Variants in CDKAL1 observed in about 807,000 individuals in gnomAD.
The protein encoded by CDKAL1 is CDKAL1 threonylcarbamoyladenosine tRNA methylthiotransferase.
CDKAL1 carries 32 observed loss-of-function variants against 68.2 expected under a neutral mutation model. The observed-to-expected ratio is 0.47, with a 90% CI of 0.35 to 0.63. The LOEUF (loss-of-function observed/expected upper bound fraction) is 0.63. Among genes scored for constraint, CDKAL1 ranks in the 30% least tolerant of loss-of-function variants. The pLI is 0.00. For missense variants in CDKAL1, 606 were observed against 696.7 expected (o/e 0.87, Z 1.47); for synonymous variants, 234 against 244.3 (o/e 0.96, Z 0.39).
chr6:20,702,044 A>G (rs1306533559), intron 5 of CDKAL1, among the ~76,000 whole-genome samples: 1 of 152,164 alleles, frequency 6.6e-6, no homozygotes, highest in African/African-American at 2.4e-5. Flanking sequence ...TTTCTCAGAA[A>G]AGGAGAAGAA....
chr6:20,811,350 C>T (rs534521778), intron 8 of CDKAL1, among the ~76,000 whole-genome samples: 1 of 152,160 alleles, frequency 6.6e-6, no homozygotes, highest in Non-Finnish European at 1.5e-5. Flanking sequence ...AGATAAATGT[C>T]GAGACGCTGA....
chr6:21,074,011 A>T (rs1446063398), intron 12 of CDKAL1, among the ~76,000 whole-genome samples: 1 of 152,088 alleles, frequency 6.6e-6, no homozygotes, highest in Non-Finnish European at 1.5e-5. Context: ...ATATTCTGGG[A>T]TTCTGCACTG....
At chr6:21,078,140 A>G (rs558360985) in intron 12 of CDKAL1, among the ~76,000 whole-genome samples, 3 of 152,346 alleles carry the variant, frequency 2.0e-5, no homozygotes, top group African/African-American at 4.8e-5. Flanking sequence ...CTCCAGAACT[A>G]TAATATAATA....
At chr6:20,939,377 A>G (rs1763870671) in intron 9 of CDKAL1, among the ~76,000 whole-genome samples, 1 of 152,196 alleles carries the variant, frequency 6.6e-6, no homozygotes, top group African/African-American at 2.4e-5. Flanking sequence ...CTGAAGCCAC[A>G]GGAAATAACA....
chr6:20,551,774 T>C (rs189069728), intron 4 of CDKAL1, among the ~76,000 whole-genome samples: 177 of 152,312 alleles, frequency 1.2e-3, no homozygotes, highest in Middle Eastern at 3.4e-3. Context: ...GGTCAAAATA[T>C]GCTTTCAGAA....
At chr6:21,218,819 T>G (rs1426419676) in intron 15 of CDKAL1, among the ~76,000 whole-genome samples, 4 of 152,142 alleles carry the variant, frequency 2.6e-5, no homozygotes, top group Admixed American at 2.6e-4. Flanking sequence ...AGCAAGTGAG[T>G]ACATTCAGAC....
Position 21,231,343 on chromosome 6 carries a change from T to A in CDKAL1, c.*304T>A. 1 of 226,240 alleles carries A rather than the reference T, an allele frequency of 4.4e-6. No individual in the cohort carries two copies. The allele number at this position is 226,240 out of a possible 1,614,324, so 14.0% of individuals were successfully genotyped here. A position where few individuals can be genotyped will look rare whatever the true frequency, so the allele number is the denominator to read the frequency against. On this transcript the variant is annotated 3_prime_UTR_variant, in exon 16 of 16. Transcript: ENST00000274695. ...TTTCTGTTTGTTTCAATCTCTAATC[T>A]TTAAGTCAGAACCTAATTGTACAGT...
chr6:21,033,898 G>T (rs945089598), intron 11 of CDKAL1, among the ~76,000 whole-genome samples: 14 of 152,162 alleles, frequency 9.2e-5, no homozygotes, highest in African/African-American at 3.1e-4. Flanking sequence ...TGCCAGTGAT[G>T]AAATCATAAT....
chr6:20,679,716 G>C (rs1158427270), intron 5 of CDKAL1, among the ~76,000 whole-genome samples: 2 of 152,022 alleles, frequency 1.3e-5, no homozygotes, highest in African/African-American at 4.8e-5. Context: ...TTCCATTGTT[G>C]CATTATATTT....
At position 21,065,124 on chromosome 6, in the gene CDKAL1, G is replaced by A. The variant is rs1324271849; in HGVS notation, c.1132G>A (p.Val378Met). ...AACAGATCAGGATTTTCAAGAAACA[G>A]TGAAACTTGTTGAAGAGTACAAATT... ...GETDQDFQET[V>M]KLVEEYKFPS... The change falls in exon 12 of 16, where the codon GTG (valine) becomes ATG (methionine). Residue 378 changes from valine to methionine, a missense_variant. Physicochemically the swap from Val to Met is conservative, Grantham distance 21 (BLOSUM62 1). Coordinates refer to ENST00000274695, the MANE Select transcript of CDKAL1 (RefSeq NM_017774.3). 6.2e-6 allele frequency: 10 copies of A among 1,607,520 alleles called. No individual in the cohort carries two copies. The highest frequency in any genetic ancestry group is 8.5e-6 in the Non-Finnish European group (10 of 1,177,078).
At chr6:20,764,616 G>A (rs1302016976) in intron 7 of CDKAL1, among the ~76,000 whole-genome samples, 2 of 152,148 alleles carry the variant, frequency 1.3e-5, no homozygotes, top group African/African-American at 4.8e-5. Flanking sequence ...AAGCAGTACT[G>A]TATCAAGTGT....
chr6:20,953,906 A>G (rs1164914484), intron 9 of CDKAL1, among the ~76,000 whole-genome samples: 3 of 152,168 alleles, frequency 2.0e-5, no homozygotes, highest in South Asian at 4.1e-4. Context: ...TTTAAAATGT[A>G]TTGAGCTTTT....
chr6:21,027,690 A>G (rs779657172), intron 11 of CDKAL1, among the ~76,000 whole-genome samples: 19 of 152,144 alleles, frequency 1.2e-4, no homozygotes, highest in Non-Finnish European at 2.6e-4. Context: ...GAAAGCCCTC[A>G]CAGATGTGAA....
chr6:20,978,582 G>T (rs1038736589), intron 10 of CDKAL1, among the ~76,000 whole-genome samples: 4 of 152,142 alleles, frequency 2.6e-5, no homozygotes, highest in African/African-American at 9.7e-5. Context: ...AAGTTGAGCT[G>T]TATTTGAGAT....
intron 12 of CDKAL1, among the ~76,000 whole-genome samples, chr6:21,072,002 C>T (rs1011974520): frequency 1.3e-5 from 2 of 152,210 alleles, no homozygotes; most frequent in African/African-American, 4.8e-5. Flanking sequence ...GAAGATGGCA[C>T]TGGGAAGCGA....
At chr6:20,569,738 T>C (rs1014897699) in intron 4 of CDKAL1, among the ~76,000 whole-genome samples, 2 of 152,254 alleles carry the variant, frequency 1.3e-5, no homozygotes, top group Non-Finnish European at 1.5e-5. Context: ...CAGTTGATTA[T>C]ATTCAATTTA....
At chr6:21,060,523 T>A (rs1405850471) in intron 11 of CDKAL1, among the ~76,000 whole-genome samples, 1 of 152,228 alleles carries the variant, frequency 6.6e-6, no homozygotes, top group East Asian at 1.9e-4. Context: ...ATTTTCTATT[T>A]CATTGATTTC....
intron 8 of CDKAL1, among the ~76,000 whole-genome samples, chr6:20,812,441 C>A (rs1431867422): frequency 6.6e-6 from 1 of 152,122 alleles, no homozygotes; most frequent in African/African-American, 2.4e-5. Context: ...TTTGAAGAGT[C>A]CGACTTACGT....
intron 15 of CDKAL1, among the ~76,000 whole-genome samples, chr6:21,226,123 G>C (rs1779730568): frequency 6.6e-6 from 1 of 152,160 alleles, no homozygotes; most frequent in African/African-American, 2.4e-5. Flanking sequence ...CTTGTGGCGT[G>C]AAACATGCTC....
Sources: allele counts gnomAD v4.1 joint callset (sites outside exome capture counted in the v4.1 genomes callset), GRCh38; gene constraint gnomAD v4.1.1; transcripts MANE v1.5; gene names NCBI Gene and HGNC (gene_info 2026-07-23, HGNC 2026-07-21).